The following CA1 variants were observed in gnomAD, a reference collection of about 807,000 sequenced individuals.
CA1 encodes the protein carbonic anhydrase 1.
Under a neutral mutation model 28.8 loss-of-function variants are expected in CA1, and 27 were observed. The ratio of observed to expected loss-of-function variants is 0.94; its 90% confidence interval spans 0.69 to 1.29. The LOEUF is 1.29. CA1 is among the 50% of genes most tolerant of loss of function. The probability of loss-of-function intolerance (pLI) is 0.00; values close to 1 mark genes in which losing one functional copy is unlikely to be tolerated. For synonymous variants in CA1, 121 were observed against 108.8 expected (o/e 1.11, Z -0.70); for missense variants, 335 against 310.5 (o/e 1.08, Z -0.59).
intron 1 of CA1, chr8:85,351,868 C>T (rs1809425891): frequency 6.6e-6 from 1 of 152,160 alleles, no homozygotes; most frequent in Non-Finnish European, 1.5e-5. Context: ...AAATGACATA[C>T]CATAAAGATT....
intron 1 of CA1, among the ~76,000 whole-genome samples, chr8:85,366,168 T>C (rs1201704542): frequency 8.1e-5 from 12 of 148,740 alleles, no homozygotes; most frequent in Middle Eastern, 3.2e-3. Context: ...TCTTCCCCTT[T>C]TTTTTTTTTT....
At position 85,333,555 on chromosome 8, in the gene CA1, A is replaced by G. The variant is rs746402143; in HGVS notation, c.420T>C (p.Asp140=). Residue 140 remains aspartate (D), a synonymous_variant, in exon 5 of 8, where the codon GAT becomes GAC. Coordinates refer to ENST00000523022, the MANE Select transcript of CA1 (RefSeq NM_001128831.4). ...TCAAAACACCAATAACTGCCAAACC[A>G]TCAGCCTTTGAGGCAGCTTCAGCAA... is the stretch of plus-strand genomic sequence containing the variant. ...SSLAEAASKA[D]GLAVIGVLMK... is the part of the protein sequence containing the mutation. The G allele has an allele frequency of 3.3e-5, 54 of 1,612,694 alleles. No homozygotes were observed. The highest frequency in any genetic ancestry group is 3.3e-4 in the Middle Eastern group (2 of 6,072).
At chr8:85,344,440 A>AGG (rs1389995145) in intron 1 of CA1, among the ~76,000 whole-genome samples, 3 of 149,338 alleles carry the variant, frequency 2.0e-5, no homozygotes, top group Non-Finnish European at 4.4e-5. Context: ...AATATTTTTT[A>AGG]GTACCCTAAA....
intron 3 of CA1, 45 bp from the exon 4 acceptor site, chr8:85,337,108 T>G (rs771706320): frequency 9.7e-7 from 1 of 1,035,784 alleles, no homozygotes; most frequent in South Asian, 1.3e-5. Context: ...CTCCACAAAC[T>G]CTAGCTTATC....
At chr8:85,334,498 G>C (rs1419330985) in intron 4 of CA1, among the ~76,000 whole-genome samples, 4 of 151,940 alleles carry the variant, frequency 2.6e-5, no homozygotes, top group Non-Finnish European at 5.9e-5. Context: ...ATTCTTTCCT[G>C]ATCATCCAAT....
chr8:85,342,981 C>T (rs1422391543), intron 1 of CA1: 4 of 151,888 alleles, frequency 2.6e-5, no homozygotes, highest in Non-Finnish European at 5.9e-5. Flanking sequence ...AGCTCCCATT[C>T]TATGGCTTTA....
chr8:85,355,090 C>A (rs377174831), intron 1 of CA1, among the ~76,000 whole-genome samples: 10 of 152,244 alleles, frequency 6.6e-5, no homozygotes, highest in East Asian at 3.9e-4. Flanking sequence ...AGCTTCTACT[C>A]CAGTACCCTC....
At chr8:85,350,844 T>A (rs984246233) in intron 1 of CA1, among the ~76,000 whole-genome samples, 1 of 152,230 alleles carries the variant, frequency 6.6e-6, no homozygotes, top group African/African-American at 2.4e-5. Flanking sequence ...GCTGATTTTA[T>A]GCAGTGATTC....
chr8:85,333,041 G>T (rs1040869591), intron 5 of CA1, among the ~76,000 whole-genome samples: 1 of 152,062 alleles, frequency 6.6e-6, no homozygotes, highest in Non-Finnish European at 1.5e-5. Flanking sequence ...GAGGATTTGA[G>T]CAACATCTCC....
In CA1 at chr8:85,328,666, A is replaced by G. The variant is rs1464693812; in HGVS notation, c.680T>C (p.Phe227Ser). The change falls in exon 8 of 8, where the codon TTC (phenylalanine) becomes TCC (serine). Residue 227 changes from phenylalanine to serine, a missense_variant. Transcript: ENST00000523022. ...ISVSSEQLAQ[F>S]RSLLSNVEGD... ...TTCAACATTTGATAGAAGGCTGCGG[A>G]ATTGTGCCAGCTAGAAGGATAAAAT... The G allele has an allele frequency of 1.2e-6, 2 of 1,601,636 alleles. No homozygotes were observed. Among genetic ancestry groups the G allele is most frequent in the Admixed American group, 3.3e-5 (2 of 59,868 alleles).
At chr8:85,367,054 A>G (rs910217881) in intron 1 of CA1, among the ~76,000 whole-genome samples, 4 of 152,016 alleles carry the variant, frequency 2.6e-5, no homozygotes, top group Admixed American at 1.3e-4. Flanking sequence ...AGTTTATAAG[A>G]TTTTGAGATA....
intron 2 of CA1, among the ~76,000 whole-genome samples, chr8:85,340,367 T>C (rs1310416763): frequency 6.6e-6 from 1 of 152,212 alleles, no homozygotes; most frequent in Non-Finnish European, 1.5e-5. Context: ...CCTGGTTTAC[T>C]GACTATTTTC....
intron 1 of CA1, among the ~76,000 whole-genome samples, chr8:85,360,030 G>A (rs554721965): frequency 6.6e-6 from 1 of 152,310 alleles, no homozygotes; most frequent in African/African-American, 2.4e-5. Context: ...AGCAGACACT[G>A]AAAAAGCAAG....
intron 1 of CA1, among the ~76,000 whole-genome samples, chr8:85,355,952 C>T (rs887858723): frequency 6.6e-6 from 1 of 151,894 alleles, no homozygotes; most frequent in African/African-American, 2.4e-5. Context: ...TGACATAATT[C>T]CCATGACAAC....
At chr8:85,342,634 A>G (rs1808974247) in intron 1 of CA1, 1 of 152,302 alleles carries the variant, frequency 6.6e-6, no homozygotes, top group Admixed American at 6.5e-5. Flanking sequence ...GAAGGTACAC[A>G]GGACTTTTCA....
At chr8:85,340,593 G>A (rs1245205803) in intron 2 of CA1, among the ~76,000 whole-genome samples, 1 of 152,164 alleles carries the variant, frequency 6.6e-6, no homozygotes, top group Non-Finnish European at 1.5e-5. Context: ...CACTTTGTAA[G>A]GCTGTAGTTC....
At chr8:85,356,676 T>G (rs1202411327) in intron 1 of CA1, among the ~76,000 whole-genome samples, 1 of 152,198 alleles carries the variant, frequency 6.6e-6, no homozygotes, top group East Asian at 1.9e-4. Flanking sequence ...TTCATTTTAC[T>G]TAATCTTAAA....
intron 1 of CA1, among the ~76,000 whole-genome samples, chr8:85,347,554 A>G (rs767625632): frequency 1.2e-4 from 18 of 152,180 alleles, no homozygotes; most frequent in Non-Finnish European, 1.8e-4. Context: ...AGTGAGGCTC[A>G]CCAACCAGCA....
chr8:85,345,019 G>A (rs183899187), intron 1 of CA1, among the ~76,000 whole-genome samples: 1 of 152,284 alleles, frequency 6.6e-6, no homozygotes, highest in Admixed American at 6.5e-5. Flanking sequence ...TGGAGAAGTG[G>A]GTCATGGAAA....
Sources: gnomAD v4.1 joint callset for allele counts (sites outside exome capture counted in the v4.1 genomes callset) on GRCh38, gnomAD v4.1.1 for gene constraint, MANE v1.5 for transcripts, NCBI Gene and HGNC (gene_info 2026-07-23, HGNC 2026-07-21) for gene names.